ZCCHC7: variants seen among roughly 807,000 people sequenced by gnomAD.
ZCCHC7 encodes zinc finger CCHC domain-containing protein 7.
A neutral mutation model predicts 52.0 loss-of-function variants in ZCCHC7; 35 were observed. The ratio of observed to expected loss-of-function variants is 0.67; its 90% CI spans 0.51 to 0.89. The LOEUF is 0.89. Among genes scored for constraint, ZCCHC7 ranks in the 40% least tolerant of loss-of-function variants. ZCCHC7 has a pLI of 0.00. For missense variants in ZCCHC7, 574 were observed against 649.1 expected, an observed-to-expected ratio of 0.88 and a Z score of 1.26; for synonymous variants, 217 against 221.5, an observed-to-expected ratio of 0.98 and a Z score of 0.18.
At chr9:37,229,643 C>A (rs533080592) in intron 2 of ZCCHC7, among the ~76,000 whole-genome samples, 1 of 152,222 alleles carries the variant, frequency 6.6e-6, no homozygotes, top group Admixed American at 6.5e-5. Flanking sequence ...CTTTTAGAAC[C>A]AGAAGTTGCT....
At chr9:37,120,668 C>T (rs909933854) in intron 1 of ZCCHC7, 45 bp downstream of exon 1, 5 of 385,042 alleles carry the variant, frequency 1.3e-5, no homozygotes, top group Non-Finnish European at 2.3e-5. Flanking sequence ...GGCTCGGGAC[C>T]CCTGCCTACC....
intron 5 of ZCCHC7, among the ~76,000 whole-genome samples, chr9:37,318,292 T>C (rs1182619231): frequency 6.6e-6 from 1 of 151,872 alleles, no homozygotes; most frequent in Non-Finnish European, 1.5e-5. Flanking sequence ...TGAAACCCCA[T>C]CTGTACTAAA....
chr9:37,270,968 AGAATGTTTGGTTACCC>A (rs1043932930), intron 2 of ZCCHC7, among the ~76,000 whole-genome samples: 8 of 152,314 alleles, frequency 5.3e-5, no homozygotes, highest in African/African-American at 1.9e-4. Context: ...ACCTAAAAAA[AGAATGTTTGGTTACCC>A]GAATGAGGGG....
At chr9:37,340,466 G>T (rs921429455) in intron 6 of ZCCHC7, among the ~76,000 whole-genome samples, 2 of 150,774 alleles carry the variant, frequency 1.3e-5, no homozygotes, top group Non-Finnish European at 2.9e-5. Flanking sequence ...TTTGGTATCC[G>T]TTGGGTCAAA....
intron 2 of ZCCHC7, among the ~76,000 whole-genome samples, chr9:37,209,212 T>C (rs1824081142): frequency 6.6e-6 from 1 of 152,102 alleles, no homozygotes; most frequent in Non-Finnish European, 1.5e-5. Context: ...GGCTAACTTT[T>C]TGTATTTTTA....
rs575323937 is a variant in ZCCHC7 at position 37,252,120 on chromosome 9, GATTT to G, written c.611-50065_611-50062del. 2.6e-5 allele frequency among the ~76,000 whole-genome samples: 4 copies of G among 152,102 alleles called. No individual in the cohort carries two copies. In the South Asian group the frequency reaches 8.3e-4, roughly 32 times the overall value. On this transcript the variant is annotated intron_variant, in intron 2 of 8. Transcript: ENST00000336755. ...ATACCAAATTTTTGTGAATAAATTG[GATTT>G]ATGAAAATGAGGTGTAATATTTCTC...
At chr9:37,312,966 C>T (rs1316365949) in intron 5 of ZCCHC7, among the ~76,000 whole-genome samples, 4 of 151,826 alleles carry the variant, frequency 2.6e-5, no homozygotes, top group Non-Finnish European at 5.9e-5. Context: ...TGTAAAATCA[C>T]GATGTGAGGA....
chr9:37,344,699 G>T (rs1335560617), intron 6 of ZCCHC7, among the ~76,000 whole-genome samples: 1 of 152,058 alleles, frequency 6.6e-6, no homozygotes, highest in East Asian at 1.9e-4. Flanking sequence ...TTAATTGTTT[G>T]CATACTATTT....
chr9:37,316,019 A>G (rs1297365719), intron 5 of ZCCHC7, among the ~76,000 whole-genome samples: 1 of 149,158 alleles, frequency 6.7e-6, no homozygotes, highest in Non-Finnish European at 1.5e-5. Context: ...TCAGTCTCAA[A>G]AAAAAAAAAA....
chr9:37,335,273 T>C (rs533861429), intron 6 of ZCCHC7, among the ~76,000 whole-genome samples: 2 of 152,270 alleles, frequency 1.3e-5, no homozygotes, highest in South Asian at 4.1e-4. Flanking sequence ...AAAACTGTGC[T>C]ATACAGTTGG....
chr9:37,150,081 A>G (rs546523007), intron 2 of ZCCHC7, among the ~76,000 whole-genome samples: 23 of 152,358 alleles, frequency 1.5e-4, no homozygotes, highest in Non-Finnish European at 2.6e-4. Flanking sequence ...TCCTAAGGAA[A>G]GGAGGATCAC....
At chr9:37,155,347 C>G (rs2132861744) in intron 2 of ZCCHC7, among the ~76,000 whole-genome samples, 1 of 151,224 alleles carries the variant, frequency 6.6e-6, no homozygotes, top group South Asian at 2.1e-4. Flanking sequence ...CAGAGCGAGA[C>G]TCCGTCTCAA....
At chr9:37,123,789 G>A (rs1842425029) in intron 1 of ZCCHC7, among the ~76,000 whole-genome samples, 1 of 152,166 alleles carries the variant, frequency 6.6e-6, no homozygotes, top group Non-Finnish European at 1.5e-5. Context: ...AAAAAGGAAA[G>A]GATTCATCTT....
chr9:37,183,994 A>G lies in ZCCHC7; in HGVS notation c.610+57052A>G, dbSNP rs1419356996. ...TGAGCCCCTCCTTTCCCTGCACAGT[A>G]GAGAGGGGTTGGACTTTTATTGGAT... On this transcript the variant is annotated intron_variant, in intron 2 of 8. Coordinates refer to ENST00000336755, the MANE Select transcript of ZCCHC7 (RefSeq NM_032226.3). Among the ~76,000 whole-genome samples, 6 of 152,202 alleles carry G rather than the reference A, an allele frequency of 3.9e-5. No homozygotes were observed. The East Asian group carries it at 1.2e-3, about 29-fold the overall frequency.
At chr9:37,145,411 A>C (rs534232900) in intron 2 of ZCCHC7, among the ~76,000 whole-genome samples, 1 of 151,996 alleles carries the variant, frequency 6.6e-6, no homozygotes, top group East Asian at 1.9e-4. Context: ...ATACTTCTTA[A>C]GATTGTATTT....
chr9:37,270,369 C>T (rs1046428265), intron 2 of ZCCHC7, among the ~76,000 whole-genome samples: 23 of 152,052 alleles, frequency 1.5e-4, no homozygotes, highest in African/African-American at 5.6e-4. Context: ...AGATACACTA[C>T]ATACACATAA....
intron 2 of ZCCHC7, among the ~76,000 whole-genome samples, chr9:37,290,240 A>G (rs928308781): frequency 6.6e-6 from 1 of 152,246 alleles, no homozygotes; most frequent in African/African-American, 2.4e-5. Flanking sequence ...GTTGAATAAT[A>G]AACGAATGGT....
At chr9:37,132,334 T>C (rs1842818824) in intron 2 of ZCCHC7, among the ~76,000 whole-genome samples, 2 of 152,230 alleles carry the variant, frequency 1.3e-5, no homozygotes, top group African/African-American at 4.8e-5. Context: ...GAGTAACTGC[T>C]AGCTCTTTCT....
At chr9:37,236,104 C>A (rs1045620065) in intron 2 of ZCCHC7, among the ~76,000 whole-genome samples, 1 of 152,074 alleles carries the variant, frequency 6.6e-6, no homozygotes, top group Non-Finnish European at 1.5e-5. Flanking sequence ...AGCTCTACTT[C>A]TAGTTTTTTG....
Sources: gnomAD v4.1 joint callset for allele counts (sites outside exome capture counted in the v4.1 genomes callset) on GRCh38, gnomAD v4.1.1 for gene constraint, MANE v1.5 for transcripts, NCBI Gene and HGNC (gene_info 2026-07-23, HGNC 2026-07-21) for gene names.